Variants in STK32A observed in about 807,000 individuals in gnomAD.
STK32A encodes serine/threonine-protein kinase 32A.
STK32A carries 41 observed loss-of-function variants against 53.2 expected under a neutral mutation model. The observed-to-expected ratio is 0.77, with a 90% CI of 0.60 to 1.00. The LOEUF (loss-of-function observed/expected upper bound fraction) is 1.00, where lower values mean the gene tolerates loss of function less well. Ranked by LOEUF, STK32A falls within the 50% of genes least tolerant of loss-of-function variation. The pLI is 0.00. For missense variants in STK32A, 458 were observed against 485.8 expected (o/e 0.94, Z 0.54); for synonymous variants, 166 against 162.8 (o/e 1.02, Z -0.15).
chr5:147,298,009 G>T (rs1228938922), intron 4 of STK32A, among the ~76,000 whole-genome samples: 1 of 151,092 alleles, frequency 6.6e-6, no homozygotes, highest in Non-Finnish European at 1.5e-5. Flanking sequence ...TCTGATGTTG[G>T]GTCAAGAAAT....
intron 7 of STK32A, among the ~76,000 whole-genome samples, chr5:147,360,741 A>C (rs1206103956): frequency 6.6e-6 from 1 of 152,222 alleles, no homozygotes; most frequent in African/African-American, 2.4e-5. Context: ...TATGGTGGTG[A>C]GCATGCAGAA....
intron 10 of STK32A, 107 bp downstream of exon 10, chr5:147,373,401 G>A: frequency 2.1e-6 from 3 of 1,446,230 alleles, no homozygotes; most frequent in Non-Finnish European, 2.8e-6. Context: ...GTTGTTAAGA[G>A]AGCCCCAATT....
At position 147,259,899 on chromosome 5, in the gene STK32A, CCTCT is replaced by C. The variant is rs796787576; in HGVS notation, c.53-18215_53-18212del. ...CTCTCCTGTCTCTCTCTTTCTCTCT[CCTCT>C]CTCTCTCTCCCCTCTTGTCTCTCAC... On this transcript the variant is annotated intron_variant, in intron 2 of 12. Coordinates refer to ENST00000397936, the MANE Select transcript of STK32A (RefSeq NM_001112724.2). 5.2e-3 allele frequency among the ~76,000 whole-genome samples: 642 copies of C among 122,340 alleles called. 10 individuals carry two copies. The highest frequency in any genetic ancestry group is 0.026 in the African/African-American group (603 of 23,476). 80.3% of individuals were successfully genotyped at this position (122,340 alleles called of 152,430 possible).
At chr5:147,341,964 T>C (rs1238146419) in intron 5 of STK32A, among the ~76,000 whole-genome samples, 1 of 152,166 alleles carries the variant, frequency 6.6e-6, no homozygotes, top group Non-Finnish European at 1.5e-5. Context: ...GATAGAATGA[T>C]AGAGTTTGCA....
At chr5:147,392,831 A>G (rs1282190886), downstream of STK32A, 1 of 152,238 alleles carries the variant, frequency 6.6e-6, no homozygotes, top group Non-Finnish European at 1.5e-5. Flanking sequence ...GGAAAGGTGG[A>G]ACCAGGTCCA....
At chr5:147,368,676 G>T (rs578035283) in intron 8 of STK32A, among the ~76,000 whole-genome samples, 21 of 152,022 alleles carry the variant, frequency 1.4e-4, no homozygotes, top group Non-Finnish European at 3.1e-4. Context: ...ATTTAGAACT[G>T]TAAAAGTAAA....
intron 4 of STK32A, among the ~76,000 whole-genome samples, chr5:147,299,605 G>A: frequency 6.6e-6 from 1 of 152,144 alleles, no homozygotes; most frequent in East Asian, 1.9e-4. Context: ...GTGGTAAAAT[G>A]TCAACGTGAA....
chr5:147,316,859 GAAAAAAAAAAAA>G (rs35058586), intron 4 of STK32A, among the ~76,000 whole-genome samples: 5 of 61,336 alleles, frequency 8.2e-5, no homozygotes, highest in South Asian at 8.3e-4. Flanking sequence ...TGTTTCTGGC[GAAAAAAAAAAAA>G]AAAAAAAAAA....
At chr5:147,273,903 A>G (rs1187058598) in intron 2 of STK32A, among the ~76,000 whole-genome samples, 1 of 152,090 alleles carries the variant, frequency 6.6e-6, no homozygotes, top group African/African-American at 2.4e-5. Flanking sequence ...TCAACTGTAT[A>G]CACTATAAGG....
the STK32A span, among the ~76,000 whole-genome samples, chr5:147,395,337 C>G: frequency 6.6e-6 from 1 of 152,156 alleles, no homozygotes; most frequent in African/African-American, 2.4e-5. Flanking sequence ...ACCACTTAAA[C>G]CTGGTCTTCG....
At chr5:147,359,828 T>A (rs1007921179) in intron 7 of STK32A, among the ~76,000 whole-genome samples, 4 of 152,150 alleles carry the variant, frequency 2.6e-5, no homozygotes, top group African/African-American at 7.2e-5. Flanking sequence ...GCTCTTATAG[T>A]CAGGGCCAGT....
chr5:147,348,586 C>G (rs10072514), intron 6 of STK32A: 578,458 of 705,862 alleles, frequency 0.82, 239,331 homozygotes, highest in Admixed American at 0.91. Context: ...CATGAGCATA[C>G]ATAATCTTGT....
At chr5:147,400,655 T>C in the STK32A span, 1 of 1,605,844 alleles carries the variant, frequency 6.2e-7, no homozygotes, top group Non-Finnish European at 8.5e-7. Context: ...ATGGATGTTT[T>C]GGCTCTGGCC....
At chr5:147,321,094 T>C (rs1458903173) in intron 4 of STK32A, among the ~76,000 whole-genome samples, 1 of 152,206 alleles carries the variant, frequency 6.6e-6, no homozygotes, top group African/African-American at 2.4e-5. Flanking sequence ...CTTTTATTAG[T>C]TATCTTCCTT....
At chr5:147,294,128 T>C (rs187053634) in intron 4 of STK32A, among the ~76,000 whole-genome samples, 1 of 152,348 alleles carries the variant, frequency 6.6e-6, no homozygotes, top group Admixed American at 6.5e-5. Flanking sequence ...AGTGAGCTTT[T>C]GAGATTAATG....
chr5:147,400,554 T>C, the STK32A span: 1 of 1,182,706 alleles, frequency 8.5e-7, no homozygotes, highest in East Asian at 2.5e-5. Flanking sequence ...CAGAGCCACA[T>C]GGTTCCAGAG....
intron 6 of STK32A, among the ~76,000 whole-genome samples, chr5:147,347,325 A>C (rs1178402360): frequency 1.1e-5 from 1 of 90,076 alleles, no homozygotes; most frequent in Non-Finnish European, 2.0e-5. Context: ...AATAGAGGCA[A>C]AAAAAAAAAG....
At chr5:147,366,608 A>G (rs916475315) in intron 8 of STK32A, among the ~76,000 whole-genome samples, 1 of 152,230 alleles carries the variant, frequency 6.6e-6, no homozygotes, top group Non-Finnish European at 1.5e-5. Context: ...TACTTTATGT[A>G]TCCTGTGAAT....
chr5:147,365,814 G>T (rs1375256797), intron 8 of STK32A, among the ~76,000 whole-genome samples: 3 of 152,060 alleles, frequency 2.0e-5, no homozygotes, highest in Non-Finnish European at 4.4e-5. Context: ...CTTCAAACAT[G>T]CCTAGGATTG....
Sources: gnomAD v4.1 joint callset for allele counts (sites outside exome capture counted in the v4.1 genomes callset) on GRCh38, gnomAD v4.1.1 for gene constraint, MANE v1.5 for transcripts, NCBI Gene and HGNC (gene_info 2026-07-23, HGNC 2026-07-21) for gene names.